Variants in ATG10 observed in about 807,000 individuals in gnomAD.
ATG10 encodes ubiquitin-like-conjugating enzyme ATG10.
Under a neutral mutation model 32.1 loss-of-function variants are expected in ATG10, and 30 were observed. The ratio of observed to expected loss-of-function variants is 0.94; its 90% CI spans 0.70 to 1.27. The LOEUF (loss-of-function observed/expected upper bound fraction) is 1.27, where lower values mean the gene tolerates loss of function less well. Among genes scored for constraint, ATG10 ranks in the 50% most tolerant of loss-of-function variants. The pLI, the probability that ATG10 is intolerant of heterozygous loss-of-function variation, is 0.00. For synonymous variants in ATG10, 87 were observed against 91.5 expected, an observed-to-expected ratio of 0.95 and a Z score of 0.28; for missense variants, 233 against 262.3, an observed-to-expected ratio of 0.89 and a Z score of 0.77.
rs562850477 is a variant in ATG10, at chr5:82,054,423, C to G, written c.109-4072C>G. ...GCTCGCAGCTTATGCTGTGGCTGGT[C>G]CCCAGACCACACTTGAGTGGCTTGA... is the stretch of plus-strand genomic sequence containing the variant. On this transcript the variant is annotated intron_variant, in intron 2 of 7. Coordinates refer to ENST00000282185, the MANE Select transcript of ATG10 (RefSeq NM_031482.5). Among the ~76,000 whole-genome samples the G allele has an allele frequency of 1.1e-3, 175 of 152,220 alleles. 2 individuals are homozygous for G. Among genetic ancestry groups the G allele is most frequent in the Admixed American group, 2.3e-3 (35 of 15,286 alleles).
chr5:82,026,332 C>A (rs569001195), intron 2 of ATG10, among the ~76,000 whole-genome samples: 1 of 152,056 alleles, frequency 6.6e-6, no homozygotes, highest in Non-Finnish European at 1.5e-5. Context: ...TTTTTAAGAT[C>A]GAATAATATT....
intron 3 of ATG10, among the ~76,000 whole-genome samples, chr5:82,102,196 TCTTA>T (rs1765298787): frequency 6.6e-6 from 1 of 152,174 alleles, no homozygotes; most frequent in South Asian, 2.1e-4. Context: ...ATAGCCTCAG[TCTTA>T]CTTTGTGGTA....
chr5:81,982,087 T>A (rs920951695), intron 1 of ATG10, among the ~76,000 whole-genome samples: 4 of 152,208 alleles, frequency 2.6e-5, no homozygotes, highest in African/African-American at 9.7e-5. Context: ...AAGGTTTTGA[T>A]TGAATGTCAC....
intron 5 of ATG10, among the ~76,000 whole-genome samples, chr5:82,247,328 T>G (rs1335984323): frequency 1.3e-5 from 2 of 152,164 alleles, no homozygotes; most frequent in African/African-American, 4.8e-5. Context: ...TTTCTTCAAT[T>G]TTTTTTCTCT....
chr5:82,242,647 AT>A (rs1408136580), intron 5 of ATG10: 1 of 301,646 alleles, frequency 3.3e-6, no homozygotes, highest in Non-Finnish European at 6.5e-6. Context: ...TCTACCCAGA[AT>A]AAATGGAAGC....
At chr5:82,160,169 G>A (rs956999586) in intron 3 of ATG10, among the ~76,000 whole-genome samples, 5 of 152,212 alleles carry the variant, frequency 3.3e-5, no homozygotes, top group African/African-American at 9.6e-5. Context: ...TCATGTTGCC[G>A]TTTTATAACT....
intron 3 of ATG10, among the ~76,000 whole-genome samples, chr5:82,085,015 C>T (rs1764621435): frequency 6.6e-6 from 1 of 152,036 alleles, no homozygotes; most frequent in African/African-American, 2.4e-5. Flanking sequence ...CTAAATGCTC[C>T]AATTAAAAGA....
chr5:82,134,024 C>G (rs940896536), intron 3 of ATG10, among the ~76,000 whole-genome samples: 1 of 132,474 alleles, frequency 7.5e-6, no homozygotes, highest in Non-Finnish European at 1.6e-5. Flanking sequence ...CTCTGTTTGT[C>G]TGTTATTGGT....
intron 5 of ATG10, among the ~76,000 whole-genome samples, chr5:82,223,862 A>ATGTC (rs2149996280): frequency 6.6e-6 from 1 of 152,234 alleles, no homozygotes; most frequent in South Asian, 2.1e-4. Context: ...ACTATCTTAG[A>ATGTC]ATATTTGGTA....
chr5:82,138,815 C>A, intron 3 of ATG10, among the ~76,000 whole-genome samples: 1 of 131,616 alleles, frequency 7.6e-6, no homozygotes, highest in Non-Finnish European at 1.6e-5. Context: ...TTGAAGCTAT[C>A]TAATGAAGAT....
At position 82,042,941 on chromosome 5, in the gene ATG10, A is replaced by G. The variant is rs183050987; in HGVS notation, c.109-15554A>G. ...GGTGCATGGTGCAAGCTCTTGGTGG[A>G]TCTACCTTTCTGATGTATGGAGGAC... On this transcript the variant is annotated intron_variant, in intron 2 of 7. Coordinates refer to ENST00000282185, the MANE Select transcript of ATG10 (RefSeq NM_031482.5). Among the ~76,000 whole-genome samples the G allele has an allele frequency of 2.9e-3, 446 of 152,174 alleles. 2 individuals are homozygous for G. Among genetic ancestry groups the G allele is most frequent in the Non-Finnish European group, 5.5e-3 (375 of 67,998 alleles).
chr5:81,983,666 C>A (rs1157933043), intron 1 of ATG10, among the ~76,000 whole-genome samples: 5 of 150,720 alleles, frequency 3.3e-5, no homozygotes, highest in Non-Finnish European at 5.9e-5. Flanking sequence ...CCCTCCCGGA[C>A]GGGGTGGCTG....
At chr5:82,203,770 T>C (rs1157457217) in intron 5 of ATG10, among the ~76,000 whole-genome samples, 1 of 152,168 alleles carries the variant, frequency 6.6e-6, no homozygotes. Flanking sequence ...TCTGCTCCAA[T>C]CTTAAGGAAA....
intron 2 of ATG10, chr5:81,992,424 G>A (rs987280121): frequency 2.6e-5 from 3 of 117,428 alleles, no homozygotes; most frequent in Non-Finnish European, 5.4e-5. Flanking sequence ...TTTTTTTTTT[G>A]AGACGAAGTC....
At chr5:81,993,360 C>CTTCTTTCTTTCTTTCTTTTCTTTTCTT (rs1389776064) in intron 2 of ATG10, among the ~76,000 whole-genome samples, 5 of 46,772 alleles carry the variant, frequency 1.1e-4, no homozygotes, top group African/African-American at 3.6e-4. Context: ...TCTTTCTTTC[C>CTTCTTTCTTTCTTTCTTTTCTTTTCTT]TTCTTTTCTT....
At chr5:81,982,883 G>A (rs1221603760) in intron 1 of ATG10, among the ~76,000 whole-genome samples, 1 of 152,206 alleles carries the variant, frequency 6.6e-6, no homozygotes, top group Non-Finnish European at 1.5e-5. Context: ...GTTGGGGGTA[G>A]GGTCACAGAT....
rs529376550 is a variant in ATG10, at chr5:82,024,602, G to A, written c.109-33893G>A. Among the ~76,000 whole-genome samples the A allele has an allele frequency of 3.5e-4, 53 of 152,266 alleles. 1 individual carries two copies. The highest frequency in any genetic ancestry group is 1.9e-3 in the East Asian group (10 of 5,188). ...TCTTTCACCACAGATGGTTTGAAAAGCATTTGGTCTAGGATAAGATTTTCA... is the reference window on the plus strand; with the variant it reads ...TCTTTCACCACAGATGGTTTGAAAAACATTTGGTCTAGGATAAGATTTTCA... On this transcript the variant is annotated intron_variant, in intron 2 of 7. Transcript: ENST00000282185.
intron 2 of ATG10, among the ~76,000 whole-genome samples, chr5:81,994,509 G>T (rs1761604640): frequency 6.6e-6 from 1 of 152,208 alleles, no homozygotes; most frequent in Non-Finnish European, 1.5e-5. Context: ...GGTTTAGAGA[G>T]GACTGTGGTG....
chr5:82,240,662 A>G (rs758096371), intron 5 of ATG10, among the ~76,000 whole-genome samples: 14 of 152,316 alleles, frequency 9.2e-5, no homozygotes, highest in Admixed American at 2.0e-4. Context: ...GTAGATTTGG[A>G]ATGTTCCCAA....
Sources: allele counts gnomAD v4.1 joint callset (sites outside exome capture counted in the v4.1 genomes callset), GRCh38; gene constraint gnomAD v4.1.1; transcripts MANE v1.5; gene names NCBI Gene and HGNC (gene_info 2026-07-23, HGNC 2026-07-21).